CD40: variants seen among roughly 807,000 people sequenced by gnomAD.
CD40 encodes the protein CD40 molecule, also known as tumor necrosis factor receptor superfamily member 5.
CD40 carries 19 observed loss-of-function variants against 38.5 expected under a neutral mutation model. The observed-to-expected ratio is 0.49, with a 90% CI of 0.34 to 0.72. CD40 has a LOEUF of 0.72. Among genes scored for constraint, CD40 ranks in the 30% least tolerant of loss-of-function variants. The probability of loss-of-function intolerance (pLI) is 0.01; values close to 1 mark genes in which losing one functional copy is unlikely to be tolerated. For missense variants in CD40, 256 were observed against 344.1 expected (o/e 0.74, Z 2.03); for synonymous variants, 130 against 128.7 (o/e 1.01, Z -0.07).
At position 46,126,626 on chromosome 20, in the gene CD40, G is replaced by A. The variant is rs778556043; in HGVS notation, c.498-14G>A. The A allele has an allele frequency of 2.0e-5, 32 of 1,613,888 alleles. No individual in the cohort carries two copies. Among genetic ancestry groups the A allele is most frequent in the East Asian group, 6.7e-5 (3 of 44,882 alleles). Reference sequence around the variant, plus strand: ...TCTCTGTGTGTGTGCATTTGTGCACGTGTCTGTGCATAGCTGTGAGACCAA... The same window carrying A: ...TCTCTGTGTGTGTGCATTTGTGCACATGTCTGTGCATAGCTGTGAGACCAA... On this transcript the variant is annotated splice_polypyrimidine_tract_variant and intron_variant, in intron 5 of 8. Coordinates refer to ENST00000372285, the MANE Select transcript of CD40 (RefSeq NM_001250.6).
intron 1 of CD40, among the ~76,000 whole-genome samples, chr20:46,120,285 T>C (rs1048177098): frequency 2.6e-5 from 4 of 152,268 alleles, no homozygotes; most frequent in African/African-American, 9.6e-5. Flanking sequence ...TTCTTTCTTA[T>C]CTTCGTAATC....
intron 1 of CD40, among the ~76,000 whole-genome samples, chr20:46,119,169 A>G (rs370404510): frequency 1.3e-5 from 2 of 152,316 alleles, no homozygotes. Flanking sequence ...CGGGATTTTC[A>G]GAAGCCTACA....
chr20:46,119,371 G>C (rs1424188460), intron 1 of CD40, among the ~76,000 whole-genome samples: 2 of 152,184 alleles, frequency 1.3e-5, no homozygotes, highest in Non-Finnish European at 2.9e-5. Flanking sequence ...AGCAAGGGAA[G>C]AGAGGGAGTG....
chr20:46,122,414 T>A lies in CD40; in HGVS notation c.256+56T>A, dbSNP rs2085337368. On this transcript the variant is annotated intron_variant, in intron 3 of 8. Coordinates refer to ENST00000372285, the MANE Select transcript of CD40 (RefSeq NM_001250.6). The surrounding 1 kb of genome is among the most constrained non-coding windows in gnomAD (Gnocchi z 5.0). ...GGAACCGGGCTGATATTCCCGACAA[T>A]GCAGCCATTCTAATTTTATGTAGCC... The A allele has an allele frequency of 6.8e-6, 11 of 1,612,012 alleles. No individual in the cohort carries two copies. Among genetic ancestry groups the A allele is most frequent in the Non-Finnish European group, 9.3e-6 (11 of 1,178,724 alleles).
Position 46,129,226 on chromosome 20 carries a change from T to G in CD40, c.*186T>G. ...CACTGGATGCAGAAACAGTTCACCT[T>G]GAAGAACCTCTCACTTCACCCTGGA... On this transcript the variant is annotated 3_prime_UTR_variant, in exon 9 of 9. Coordinates refer to ENST00000372285, the MANE Select transcript of CD40 (RefSeq NM_001250.6). 1.5e-6 allele frequency: 1 copy of G among 660,894 alleles called. No homozygotes were observed. Among genetic ancestry groups the G allele is most frequent in the Non-Finnish European group, 2.7e-6 (1 of 367,584 alleles). The allele number at this position is 660,894 out of a possible 1,614,324, so 40.9% of individuals were successfully genotyped here.
At chr20:46,120,180 T>C (rs1331796258) in intron 1 of CD40, among the ~76,000 whole-genome samples, 2 of 152,164 alleles carry the variant, frequency 1.3e-5, no homozygotes, top group Non-Finnish European at 2.9e-5. Flanking sequence ...GCTTGCCATA[T>C]ATCATGCAAG....
At chr20:46,124,561 A>AGTATACC (rs1378821620) in intron 5 of CD40, among the ~76,000 whole-genome samples, 1 of 148 alleles carries the variant, frequency 6.8e-3, no homozygotes, top group Admixed American at 0.062. Flanking sequence ...CACAAATAGG[A>AGTATACC]GTATACATTT....
In CD40 at chr20:46,128,151, G is replaced by A. The variant is rs903536450; in HGVS notation, c.573G>A (p.Arg191=). 6.2e-7 allele frequency: 1 copy of A among 1,613,878 alleles called. No homozygotes were observed. The highest frequency in any genetic ancestry group is 1.3e-5 in the African/African-American group (1 of 74,944). ...KTDVVCGPQD[R]LRALVVIPII... is the part of the protein sequence containing the mutation. ...TGATTTCTCCAGGTCCCCAGGATCGGCTGAGAGCCCTGGTGGTGATCCCCA... is the reference window on the plus strand; with the variant it reads ...TGATTTCTCCAGGTCCCCAGGATCGACTGAGAGCCCTGGTGGTGATCCCCA... Residue 191 remains arginine (R), a synonymous_variant, in exon 7 of 9, where the codon CGG becomes CGA. Coordinates refer to ENST00000372285, the MANE Select transcript of CD40 (RefSeq NM_001250.6).
chr20:46,122,401 A>G lies in CD40; in HGVS notation c.256+43A>G, dbSNP rs61760051. On this transcript the variant is annotated intron_variant, in intron 3 of 8. Transcript: ENST00000372285. The surrounding 1 kb of genome is among the most constrained non-coding windows in gnomAD (Gnocchi z 5.0). ...AAAGGGACGCTTGGGAACCGGGCTG[A>G]TATTCCCGACAATGCAGCCATTCTA... is the stretch of plus-strand genomic sequence containing the variant. 766 of 1,613,524 alleles carry G rather than the reference A, an allele frequency of 4.7e-4. 3 individuals carry two copies. Among genetic ancestry groups the G allele is most frequent in the Middle Eastern group, 1.7e-3 (10 of 5,942 alleles).
intron 5 of CD40, among the ~76,000 whole-genome samples, chr20:46,124,760 T>TTG (rs1568908767): frequency 9.9e-6 from 1 of 101,104 alleles, no homozygotes; most frequent in East Asian, 2.5e-4. Context: ...AGTTTTTTTT[T>TTG]TTTTTTTTTT....
chr20:46,128,736 G>C, intron 8 of CD40, 146 bp from the exon 9 acceptor site: 1 of 820,330 alleles, frequency 1.2e-6, no homozygotes, highest in African/African-American at 1.7e-5. Flanking sequence ...CCAGCAGGGG[G>C]CAGGAGGCAC....
Position 46,122,624 on chromosome 20 carries a change from G to A in CD40, c.271G>A (p.Val91Ile), listed in dbSNP as rs764882779. 9 of 1,614,142 alleles carry A rather than the reference G, an allele frequency of 5.6e-6. No homozygotes were observed. The highest frequency in any genetic ancestry group is 2.2e-5 in the East Asian group (1 of 44,876). ...KYCDPNLGLR[V>I]QQKGTSETDT... Reference sequence around the variant, plus strand: ...TCTCTTCTCAGACCTAGGGCTTCGGGTCCAGCAGAAGGGCACCTCAGAAAC... The same window carrying A: ...TCTCTTCTCAGACCTAGGGCTTCGGATCCAGCAGAAGGGCACCTCAGAAAC... The change falls in exon 4 of 9, where the codon GTC becomes ATC. Residue 91 changes from valine to isoleucine, a missense_variant. Coordinates refer to ENST00000372285, the MANE Select transcript of CD40 (RefSeq NM_001250.6). The surrounding 1 kb of genome is among the most constrained non-coding windows in gnomAD (Gnocchi z 5.0).
chr20:46,122,615 G>C lies in CD40; in HGVS notation c.262G>C (p.Gly88Arg). ...HQHKYCDPNLGLRVQQKGTSE... is the reference protein window; with the variant it reads ...HQHKYCDPNLRLRVQQKGTSE... ...TCCTGCCCTTCTCTTCTCAGACCTA[G>C]GGCTTCGGGTCCAGCAGAAGGGCAC... Residue 88 changes from glycine (G) to arginine (R), a missense_variant, in exon 4 of 9, where the codon GGG becomes CGG. Gly to Arg is a moderately radical substitution (Grantham distance 125, BLOSUM62 -2). Coordinates refer to ENST00000372285, the MANE Select transcript of CD40 (RefSeq NM_001250.6). This position sits in a 1 kb window ranked among gnomAD's most constrained non-coding sequence, Gnocchi z 5.0. 1.2e-6 allele frequency: 2 copies of C among 1,614,144 alleles called. No homozygotes were observed. Among genetic ancestry groups the C allele is most frequent in the Non-Finnish European group, 1.7e-6 (2 of 1,180,030 alleles).
chr20:46,121,591 G>T, intron 1 of CD40: 1 of 585,544 alleles, frequency 1.7e-6, no homozygotes, highest in South Asian at 1.8e-5. Context: ...TGAGTTTACA[G>T]TACCATTGCT....
Position 46,129,298 on chromosome 20 carries a change from G to T in CD40, c.*258G>T, listed in dbSNP as rs2085508185. On this transcript the variant is annotated 3_prime_UTR_variant, in exon 9 of 9. Transcript: ENST00000372285. Reference sequence around the variant, plus strand: ...GTATTAAAGACAGAGGCAGAAGTTTGGTGGTGGTGGTGTTGGGGTATGGTT... The same window carrying T: ...GTATTAAAGACAGAGGCAGAAGTTTTGTGGTGGTGGTGTTGGGGTATGGTT... 3.4e-5 allele frequency: 17 copies of T among 501,694 alleles called. No individual in the cohort carries two copies. The highest frequency in any genetic ancestry group is 3.2e-4 in the South Asian group (16 of 50,386). 31.1% of individuals were successfully genotyped at this position (501,694 alleles called of 1,614,324 possible). A position where few individuals can be genotyped will look rare whatever the true frequency, so the allele number is the denominator to read the frequency against.
chr20:46,128,661 A>G (rs942183229), intron 8 of CD40: 1 of 664,228 alleles, frequency 1.5e-6, no homozygotes, highest in Non-Finnish European at 2.6e-6. Flanking sequence ...GGGTGGGAGC[A>G]AATGTGGCAG....
chr20:46,122,136 G>T lies in CD40; in HGVS notation c.131-97G>T. 6.8e-7 allele frequency: 1 copy of T among 1,476,786 alleles called. No individual in the cohort carries two copies. Among genetic ancestry groups the T allele is most frequent in the Non-Finnish European group, 9.5e-7 (1 of 1,056,482 alleles). The allele number at this position is 1,476,786 out of a possible 1,614,324, so 91.5% of individuals were successfully genotyped here. A position where few individuals can be genotyped will look rare whatever the true frequency, so the allele number is the denominator to read the frequency against. ...TGAAGGATCCAAGACTTTCATCTTT[G>T]AATCCCCTACCCTAAAGCCTGGCCT... On this transcript the variant is annotated intron_variant, in intron 2 of 8. Transcript: ENST00000372285. The surrounding 1 kb of genome is among the most constrained non-coding windows in gnomAD (Gnocchi z 5.0).
At chr20:46,124,853 G>A (rs1422282979) in intron 5 of CD40, among the ~76,000 whole-genome samples, 1 of 135,292 alleles carries the variant, frequency 7.4e-6, no homozygotes, top group Non-Finnish European at 1.5e-5. Flanking sequence ...TGCAAGCTCT[G>A]CCTCCCAGGT....
At chr20:46,128,304 C>CCTTT in intron 7 of CD40, 26 bp from the exon 8 acceptor site, 3 of 1,439,748 alleles carry the variant, frequency 2.1e-6, no homozygotes, top group South Asian at 2.6e-5. Context: ...ACTCCCCATC[C>CCTTT]TTTTTTTTTT....
Sources: allele counts gnomAD v4.1 joint callset (sites outside exome capture counted in the v4.1 genomes callset), GRCh38; gene constraint gnomAD v4.1.1; non-coding constraint Gnocchi (gnomAD v3.1); transcripts MANE v1.5; gene names NCBI Gene and HGNC (gene_info 2026-07-23, HGNC 2026-07-21).